Variants in RAMP1 observed in about 807,000 individuals in gnomAD.
RAMP1 encodes the protein receptor activity modifying protein 1, also known as receptor activity-modifying protein 1.
In RAMP1, 7 loss-of-function variants were observed where a neutral mutation model predicts 8.2. That is an observed-to-expected ratio of 0.85 (90% CI 0.49 to 1.60). The LOEUF (loss-of-function observed/expected upper bound fraction) is 1.60. Among genes scored for constraint, RAMP1 ranks in the 40% most tolerant of loss-of-function variants. The pLI is 0.00. For synonymous variants in RAMP1, 92 were observed against 84.7 expected (o/e 1.09, Z -0.47); for missense variants, 192 against 202.4 (o/e 0.95, Z 0.31).
Position 237,877,330 on chromosome 2 carries a change from G to T in RAMP1, c.159G>T (p.Glu53Asp). 6.2e-7 allele frequency: 1 copy of T among 1,613,926 alleles called. No homozygotes were observed. The change falls in exon 2 of 3, where the codon GAG becomes GAT. Residue 53 changes from glutamate to aspartate, a missense_variant. Glu to Asp is a conservative substitution (Grantham distance 45). Transcript: ENST00000254661. This position sits in a 1 kb window ranked among gnomAD's most constrained non-coding sequence, Gnocchi z 4.4. Reference protein sequence around the residue: ...QFQVDMEAVGETLWCDWGRTI... With the variant: ...QFQVDMEAVGDTLWCDWGRTI... ...AGGTAGACATGGAGGCCGTCGGGGA[G>T]ACGCTGTGGTGTGACTGGGGCAGGA...
chr2:237,904,599 C>T (rs960397888), intron 2 of RAMP1, among the ~76,000 whole-genome samples: 6 of 152,150 alleles, frequency 3.9e-5, no homozygotes, highest in African/African-American at 1.2e-4. Flanking sequence ...CAGAGCAAAA[C>T]GCTGTCTAAA....
intron 1 of RAMP1, chr2:237,874,850 G>A (rs773967736): frequency 4.7e-5 from 19 of 400,408 alleles, no homozygotes; most frequent in Non-Finnish European, 5.8e-5. Context: ...CCAGCCCTGA[G>A]TGAGGCTCTG....
intron 1 of RAMP1, among the ~76,000 whole-genome samples, chr2:237,860,822 GGGGCCAGGGCTTCTT>G (rs1224219181): frequency 6.6e-6 from 1 of 152,188 alleles, no homozygotes; most frequent in Non-Finnish European, 1.5e-5. Flanking sequence ...AGCGAGGAGA[GGGGCCAGGGCTTCTT>G]GGGAGCCATG....
At chr2:237,888,466 G>C (rs902938080) in intron 2 of RAMP1, among the ~76,000 whole-genome samples, 1 of 151,642 alleles carries the variant, frequency 6.6e-6, no homozygotes, top group Non-Finnish European at 1.5e-5. Context: ...CGTGAGTATT[G>C]AGTTTGTAGG....
chr2:237,902,524 C>T (rs1005468078), intron 2 of RAMP1, among the ~76,000 whole-genome samples: 1 of 152,090 alleles, frequency 6.6e-6, no homozygotes, highest in Non-Finnish European at 1.5e-5. Context: ...AGGGCCCACC[C>T]CGCACCCCCA....
chr2:237,908,284 GC>G (rs1310453420), intron 2 of RAMP1, among the ~76,000 whole-genome samples: 1 of 152,164 alleles, frequency 6.6e-6, no homozygotes, highest in Non-Finnish European at 1.5e-5. Context: ...TACTGGTCCA[GC>G]CTCAGTTTAG....
chr2:237,891,284 G>A (rs1398565209), intron 2 of RAMP1, among the ~76,000 whole-genome samples: 1 of 151,958 alleles, frequency 6.6e-6, no homozygotes, highest in Admixed American at 6.6e-5. Context: ...CTGAGTAGCT[G>A]GGACTACAGG....
At chr2:237,907,714 A>T (rs4663807) in intron 2 of RAMP1, among the ~76,000 whole-genome samples, 76,196 of 151,998 alleles carry the variant, frequency 0.5, 19,705 homozygotes, top group East Asian at 0.69. Context: ...ATTGTCTGCC[A>T]TTTCCACTAG....
chr2:237,910,132 G>A (rs866134282), intron 2 of RAMP1, among the ~76,000 whole-genome samples: 13 of 152,008 alleles, frequency 8.6e-5, no homozygotes, highest in East Asian at 7.7e-4. Flanking sequence ...GGGGTCACAC[G>A]TACCCGGTCA....
At chr2:237,888,758 T>C (rs1346626970) in intron 2 of RAMP1, among the ~76,000 whole-genome samples, 1 of 152,152 alleles carries the variant, frequency 6.6e-6, no homozygotes, top group Non-Finnish European at 1.5e-5. Flanking sequence ...TTAATCTTCT[T>C]TTACAAATTC....
At chr2:237,883,754 T>C (rs1327468319) in intron 2 of RAMP1, among the ~76,000 whole-genome samples, 2 of 147,210 alleles carry the variant, frequency 1.4e-5, no homozygotes, top group Non-Finnish European at 3.0e-5. Flanking sequence ...AGGTCAAGGC[T>C]GCAGTGAGCC....
chr2:237,911,233 C>A (rs1012555790), intron 2 of RAMP1, among the ~76,000 whole-genome samples: 7 of 116,610 alleles, frequency 6.0e-5, no homozygotes, highest in African/African-American at 2.1e-4. Flanking sequence ...GAGGTTCGGG[C>A]CTTATTTGGC....
intron 2 of RAMP1, among the ~76,000 whole-genome samples, chr2:237,910,547 A>G (rs1413173308): frequency 6.6e-6 from 1 of 152,058 alleles, no homozygotes; most frequent in Non-Finnish European, 1.5e-5. Context: ...TAACACACAG[A>G]ATAACAGTCA....
intron 2 of RAMP1, among the ~76,000 whole-genome samples, chr2:237,902,425 G>A (rs2062610096): frequency 6.6e-6 from 1 of 151,814 alleles, no homozygotes; most frequent in African/African-American, 2.4e-5. Context: ...GGGAGATGGA[G>A]GAGGGAACAG....
intron 1 of RAMP1, among the ~76,000 whole-genome samples, chr2:237,864,242 C>T (rs973762897): frequency 1.6e-4 from 24 of 152,196 alleles, no homozygotes; most frequent in African/African-American, 4.6e-4. Context: ...TATCCCCACA[C>T]GAGTCTCAGG....
In RAMP1 at chr2:237,877,739, C is replaced by G. The variant is rs1238474540; in HGVS notation, c.191+377C>G. ...GGCTTCAGGGACGTCCCTGCTGATT[C>G]CCTCTGTCCCTGTGGTCAGGCCAAA... On this transcript the variant is annotated intron_variant, in intron 2 of 2. Coordinates refer to ENST00000254661, the MANE Select transcript of RAMP1 (RefSeq NM_005855.4). This position sits in a 1 kb window ranked among gnomAD's most constrained non-coding sequence, Gnocchi z 4.4. Among the ~76,000 whole-genome samples, 14 of 152,160 alleles carry G rather than the reference C, an allele frequency of 9.2e-5. No individual in the cohort carries two copies. Among genetic ancestry groups the G allele is most frequent in the Non-Finnish European group, 4.4e-5 (3 of 68,010 alleles).
intron 2 of RAMP1, among the ~76,000 whole-genome samples, chr2:237,894,188 C>G (rs973633895): frequency 6.6e-6 from 1 of 151,974 alleles, no homozygotes; most frequent in African/African-American, 2.4e-5. Context: ...CCAGGCTGGT[C>G]TTGAACTCCT....
chr2:237,880,038 A>G (rs1347426654), intron 2 of RAMP1, among the ~76,000 whole-genome samples: 1 of 151,558 alleles, frequency 6.6e-6, no homozygotes, highest in Non-Finnish European at 1.5e-5. Flanking sequence ...ACCAAGAAGG[A>G]AAAGTCCACA....
At chr2:237,866,039 G>T (rs1473726373) in intron 1 of RAMP1, among the ~76,000 whole-genome samples, 1 of 152,076 alleles carries the variant, frequency 6.6e-6, no homozygotes, top group Non-Finnish European at 1.5e-5. Flanking sequence ...TTTATCAATG[G>T]CTCAATATTT....
Sources: allele counts gnomAD v4.1 joint callset (sites outside exome capture counted in the v4.1 genomes callset), GRCh38; gene constraint gnomAD v4.1.1; non-coding constraint Gnocchi (gnomAD v3.1); transcripts MANE v1.5; gene names NCBI Gene and HGNC (gene_info 2026-07-23, HGNC 2026-07-21).